ADD3: variants seen among roughly 807,000 people sequenced by gnomAD.
The protein encoded by ADD3 is adducin 3.
In ADD3, 25 loss-of-function variants were observed where a neutral mutation model predicts 80.2. The observed-to-expected ratio is 0.31, with a 90% CI of 0.23 to 0.44. The LOEUF is 0.44. Ranked by LOEUF, ADD3 falls within the 20% of genes least tolerant of loss-of-function variation. The pLI is 1.00. For missense variants in ADD3, 829 were observed against 847.5 expected (o/e 0.98, Z 0.27); for synonymous variants, 284 against 289.6 (o/e 0.98, Z 0.20).
At chr10:110,132,924 CAAAAAAAAAAAAAA>C (rs60435351) in intron 14 of ADD3, among the ~76,000 whole-genome samples, 1 of 66,276 alleles carries the variant, frequency 1.5e-5, no homozygotes, top group Non-Finnish European at 3.3e-5. Flanking sequence ...GACTCCGCCT[CAAAAAAAAAAAAAA>C]AAAAAAAAGA....
chr10:110,054,493 G>T (rs1857906582), intron 1 of ADD3, among the ~76,000 whole-genome samples: 1 of 145,244 alleles, frequency 6.9e-6, no homozygotes, highest in South Asian at 2.2e-4. Context: ...CCAGGCTGGA[G>T]TGCAATGGCG....
chr10:110,124,571 C>T (rs1426885594), intron 10 of ADD3, among the ~76,000 whole-genome samples: 1 of 152,146 alleles, frequency 6.6e-6, no homozygotes, highest in Non-Finnish European at 1.5e-5. Flanking sequence ...TGAAGACAGT[C>T]TGACTCTTGA....
chr10:110,023,568 A>G (rs1853939356), intron 1 of ADD3, among the ~76,000 whole-genome samples: 1 of 152,228 alleles, frequency 6.6e-6, no homozygotes, highest in Non-Finnish European at 1.5e-5. Context: ...TAAATGTGGC[A>G]TTTGACTCCA....
In ADD3 at chr10:110,134,002, AT is replaced by A. The variant is rs1318308900; in HGVS notation, c.*390del. The A allele has an allele frequency of 6.5e-6, 1 of 154,868 alleles. No homozygotes were observed. The highest frequency in any genetic ancestry group is 1.4e-5 in the Non-Finnish European group (1 of 69,710). 9.6% of individuals were successfully genotyped at this position (154,868 alleles called of 1,614,324 possible). A position where few individuals can be genotyped will look rare whatever the true frequency, so the allele number is the denominator to read the frequency against. The stretch of plus-strand genomic sequence containing the variant: ...TGCTTCACTTGATAATCATATTATA[AT>A]TTTTTATCATGATTATTGACTATAT... On this transcript the variant is annotated 3_prime_UTR_variant, in exon 15 of 15. Transcript: ENST00000356080.
upstream of ADD3, among the ~76,000 whole-genome samples, chr10:110,007,000 G>C (rs908832228): frequency 1.3e-5 from 2 of 152,134 alleles, no homozygotes; most frequent in African/African-American, 4.8e-5. Flanking sequence ...GTGGGTGGCA[G>C]AGAAAAGTGT....
At chr10:110,019,020 C>G (rs544262414) in intron 1 of ADD3, among the ~76,000 whole-genome samples, 2 of 152,096 alleles carry the variant, frequency 1.3e-5, no homozygotes, top group East Asian at 3.8e-4. Context: ...CAGCGCTGGA[C>G]AAGGAAAGCC....
At position 110,103,410 on chromosome 10, in the gene ADD3, T is replaced by G. The variant is rs1849058856; in HGVS notation, c.195+2562T>G. On this transcript the variant is annotated intron_variant, in intron 2 of 14. Coordinates refer to ENST00000356080, the MANE Select transcript of ADD3 (RefSeq NM_016824.5). Reference sequence around the variant, plus strand: ...CAGGGCTGCTGTCATTTGAACACTTTACTGGGGCTGGAGGATCCACTCTTA... The same window carrying G: ...CAGGGCTGCTGTCATTTGAACACTTGACTGGGGCTGGAGGATCCACTCTTA... 2.6e-5 allele frequency among the ~76,000 whole-genome samples: 4 copies of G among 152,236 alleles called. No individual in the cohort carries two copies. In the South Asian group the frequency reaches 8.3e-4, roughly 31 times the overall value.
intron 1 of ADD3, among the ~76,000 whole-genome samples, chr10:110,072,267 A>G (rs1051159503): frequency 6.6e-6 from 1 of 152,046 alleles, no homozygotes; most frequent in Non-Finnish European, 1.5e-5. Flanking sequence ...GGGTTTCACC[A>G]TGTTAGCCAG....
intron 8 of ADD3, among the ~76,000 whole-genome samples, chr10:110,120,218 T>C (rs1465169510): frequency 5.2e-5 from 4 of 76,254 alleles, no homozygotes; most frequent in Non-Finnish European, 7.4e-5. Flanking sequence ...ATGCTATCCC[T>C]CCCCCCTCCC....
chr10:110,131,285 T>G (rs1852939931), intron 13 of ADD3, among the ~76,000 whole-genome samples: 1 of 152,200 alleles, frequency 6.6e-6, no homozygotes, highest in South Asian at 2.1e-4. Flanking sequence ...ACTAGCTCCC[T>G]TTTTCTCTGG....
rs146874474 is a variant in ADD3, at chr10:110,132,088, G to A, written c.1733-217G>A. 1.2e-3 allele frequency among the ~76,000 whole-genome samples: 184 copies of A among 152,254 alleles called. 2 individuals carry two copies. In the South Asian group the frequency reaches 0.018, roughly 15 times the overall value. ...GCTGTGCATCTTTTGTAACCTGTAC[G>A]TAAAATAACCATTAGCAGCCAGAAA... On this transcript the variant is annotated intron_variant, in intron 13 of 14. Transcript: ENST00000356080.
chr10:110,076,862 C>G (rs1028498010), intron 1 of ADD3: 1 of 152,218 alleles, frequency 6.6e-6, no homozygotes, highest in African/African-American at 2.4e-5. Flanking sequence ...AACTCTCCCC[C>G]ACTTTTTTAG....
intron 1 of ADD3, among the ~76,000 whole-genome samples, chr10:110,049,600 T>C (rs1857268998): frequency 6.6e-6 from 1 of 152,176 alleles, no homozygotes; most frequent in South Asian, 2.1e-4. Flanking sequence ...AAGATTTGAC[T>C]GCTCTGGCCA....
At chr10:110,046,951 T>A (rs969156184) in intron 1 of ADD3, among the ~76,000 whole-genome samples, 2 of 152,168 alleles carry the variant, frequency 1.3e-5, no homozygotes, top group Non-Finnish European at 2.9e-5. Context: ...TTGCTGAAGT[T>A]CAGTGATTCT....
intron 3 of ADD3, among the ~76,000 whole-genome samples, chr10:110,114,851 G>A (rs1011339466): frequency 1.3e-5 from 2 of 152,170 alleles, no homozygotes; most frequent in African/African-American, 2.4e-5. Context: ...GCCAAGGCAG[G>A]AGGATCACTG....
At chr10:110,119,186 T>C (rs754628673) in intron 6 of ADD3, 25 bp from the exon 7 acceptor site, 8 of 1,611,642 alleles carry the variant, frequency 5.0e-6, no homozygotes, top group Non-Finnish European at 6.8e-6. Flanking sequence ...AAATGTGTTA[T>C]CTTGGTATGG....
intron 1 of ADD3, among the ~76,000 whole-genome samples, chr10:110,041,195 G>T (rs1217540017): frequency 6.6e-6 from 1 of 152,184 alleles, no homozygotes; most frequent in Non-Finnish European, 1.5e-5. Context: ...ATAGAGATCT[G>T]GAGCACAAGC....
At chr10:110,122,702 G>A (rs1197009823) in intron 9 of ADD3, among the ~76,000 whole-genome samples, 1 of 151,046 alleles carries the variant, frequency 6.6e-6, no homozygotes, top group East Asian at 1.9e-4. Context: ...CTCACTTGCA[G>A]TCTCAACCTG....
Position 110,122,173 on chromosome 10 carries a change from A to G in ADD3, c.1024A>G (p.Lys342Glu), listed in dbSNP as rs760088973. Residue 342 changes from lysine to glutamate, a missense_variant, in exon 9 of 15, where the codon AAA (lysine) becomes GAA (glutamate). Physicochemically the swap from Lys to Glu is moderately conservative, Grantham distance 56. Coordinates refer to ENST00000356080, the MANE Select transcript of ADD3 (RefSeq NM_016824.5). Reference protein sequence around the residue: ...NLHVLDFQKYKAFTYTVAASG... With the variant: ...NLHVLDFQKYEAFTYTVAASG... ...CCATGTACTGGACTTTCAGAAGTAT[A>G]AAGCTTTCACTTACACTGTAGCAGC... The G allele has an allele frequency of 8.7e-6, 14 of 1,614,072 alleles. No homozygotes were observed. The East Asian group carries it at 2.7e-4, about 31-fold the overall frequency.
Sources: allele counts gnomAD v4.1 joint callset (sites outside exome capture counted in the v4.1 genomes callset), GRCh38; gene constraint gnomAD v4.1.1; transcripts MANE v1.5; gene names NCBI Gene and HGNC (gene_info 2026-07-23, HGNC 2026-07-21).